The following PARD3 variants were observed in gnomAD, a reference collection of about 807,000 sequenced individuals.
PARD3 encodes the protein partitioning defective 3 homolog.
Under a neutral mutation model 155.4 loss-of-function variants are expected in PARD3, and 75 were observed. The observed-to-expected ratio is 0.48, with a 90% confidence interval of 0.40 to 0.58. The LOEUF (loss-of-function observed/expected upper bound fraction) is 0.58. Among genes scored for constraint, PARD3 ranks in the 20% least tolerant of loss-of-function variants. The pLI, the probability that PARD3 is intolerant of heterozygous loss-of-function variation, is 0.00. For synonymous variants in PARD3, 576 were observed against 610.5 expected (o/e 0.94, Z 0.83); for missense variants, 1,642 against 1,721.7 (o/e 0.95, Z 0.82).
intron 5 of PARD3, among the ~76,000 whole-genome samples, chr10:34,427,728 T>C (rs1192238794): frequency 2.0e-5 from 3 of 151,946 alleles, no homozygotes; most frequent in African/African-American, 7.3e-5. Context: ...CCTGCCGACA[T>C]GTGATGTCTC....
chr10:34,662,814 G>A (rs1296948860), intron 2 of PARD3, among the ~76,000 whole-genome samples: 1 of 151,312 alleles, frequency 6.6e-6, no homozygotes, highest in East Asian at 1.9e-4. Flanking sequence ...CAATGTTGCA[G>A]TGAGGTGAGA....
chr10:34,453,947 C>T (rs1457843434), intron 4 of PARD3, among the ~76,000 whole-genome samples: 1 of 152,260 alleles, frequency 6.6e-6, no homozygotes, highest in African/African-American at 2.4e-5. Context: ...GATAATAAAA[C>T]TAAAACTAAC....
intron 21 of PARD3, among the ~76,000 whole-genome samples, chr10:34,273,489 A>C (rs1955730782): frequency 6.6e-6 from 1 of 152,200 alleles, no homozygotes; most frequent in African/African-American, 2.4e-5. Context: ...GGTTAGCTAC[A>C]GAGGAAGACC....
chr10:34,668,113 G>C (rs934764085), intron 2 of PARD3, among the ~76,000 whole-genome samples: 4 of 152,082 alleles, frequency 2.6e-5, no homozygotes, highest in East Asian at 3.9e-4. Context: ...GTTCGTAAAT[G>C]CAAGAAAAAA....
intron 22 of PARD3, among the ~76,000 whole-genome samples, chr10:34,133,149 C>A (rs1947702021): frequency 6.6e-6 from 1 of 152,136 alleles, no homozygotes; most frequent in Admixed American, 6.5e-5. Flanking sequence ...GCCTGGGTAC[C>A]AAGGGGGGCA....
chr10:34,341,685 A>C lies in PARD3; in HGVS notation c.2350T>G (p.Phe784Val). Residue 784 changes from phenylalanine (F) to valine (V), a missense_variant, in exon 16 of 25, where the codon TTT becomes GTT. By Grantham distance (50) the Phe-to-Val change is conservative (BLOSUM62 -1). Around this residue, in one of 3 missense-constraint regions of PARD3, gnomAD observed 1,529 missense variants for 1,587.3 expected, o/e 0.96. Transcript: ENST00000374788. ...CAAGTACCAGCATCTGCCGTCACAA[A>C]CCCCACATCATCATGGGAGCTGGAA... is the stretch of plus-strand genomic sequence containing the variant. ...SSSSSHDDVG[F>V]VTADAGTWAK... 1 of 1,613,866 alleles carries C rather than the reference A, an allele frequency of 6.2e-7. No homozygotes were observed. The highest frequency in any genetic ancestry group is 8.5e-7 in the Non-Finnish European group (1 of 1,179,920).
chr10:34,693,701 T>C (rs2094112096), intron 2 of PARD3, among the ~76,000 whole-genome samples: 1 of 152,100 alleles, frequency 6.6e-6, no homozygotes, highest in Admixed American at 6.6e-5. Flanking sequence ...CCCCTGAATC[T>C]AGAATAAAAC....
At chr10:34,809,057 T>C (rs1466182429) in intron 1 of PARD3, among the ~76,000 whole-genome samples, 1 of 152,140 alleles carries the variant, frequency 6.6e-6, no homozygotes, top group Non-Finnish European at 1.5e-5. Context: ...CTGAACTCCC[T>C]CAAGACAGCT....
At chr10:34,166,963 A>G (rs1051537202) in intron 22 of PARD3, among the ~76,000 whole-genome samples, 5 of 152,162 alleles carry the variant, frequency 3.3e-5, no homozygotes, top group African/African-American at 1.2e-4. Flanking sequence ...AAACTATCAC[A>G]CTAGTGAAGG....
intron 1 of PARD3, among the ~76,000 whole-genome samples, chr10:34,701,229 G>A (rs954425773): frequency 2.6e-5 from 4 of 152,062 alleles, no homozygotes; most frequent in African/African-American, 9.7e-5. Context: ...TCAGAACGCT[G>A]TGAACACAAA....
At chr10:34,486,844 AAAAT>A (rs2079508721) in intron 3 of PARD3, among the ~76,000 whole-genome samples, 2 of 151,950 alleles carry the variant, frequency 1.3e-5, no homozygotes, top group Admixed American at 1.3e-4. Context: ...TGCTATATAT[AAAAT>A]AAATATATTA....
chr10:34,472,194 C>T (rs1234290156), intron 3 of PARD3, among the ~76,000 whole-genome samples: 1 of 152,140 alleles, frequency 6.6e-6, no homozygotes, highest in African/African-American at 2.4e-5. Flanking sequence ...AAATTTAATA[C>T]TTTGGTGGCT....
chr10:34,140,431 T>C (rs886483264), intron 22 of PARD3, among the ~76,000 whole-genome samples: 7 of 152,224 alleles, frequency 4.6e-5, no homozygotes, highest in African/African-American at 1.7e-4. Flanking sequence ...GTCACCTGTA[T>C]CACCTGTACA....
intron 21 of PARD3, among the ~76,000 whole-genome samples, chr10:34,271,614 G>A (rs1258026335): frequency 6.6e-6 from 1 of 152,168 alleles, no homozygotes; most frequent in African/African-American, 2.4e-5. Flanking sequence ...GAGAAAGACT[G>A]AATGCTTTCC....
intron 2 of PARD3, among the ~76,000 whole-genome samples, chr10:34,653,477 T>C (rs2093074972): frequency 6.6e-6 from 1 of 151,884 alleles, no homozygotes; most frequent in South Asian, 2.1e-4. Flanking sequence ...AACTTTCTCT[T>C]CTCTGAAGAA....
At chr10:34,344,430 G>A (rs1837185304) in intron 15 of PARD3, 1 of 502,256 alleles carries the variant, frequency 2.0e-6, no homozygotes, top group African/African-American at 2.1e-5. Flanking sequence ...CTACGGGTGT[G>A]CAACACAACA....
chr10:34,388,590 A>T (rs1842577109), intron 7 of PARD3, among the ~76,000 whole-genome samples: 1 of 152,242 alleles, frequency 6.6e-6, no homozygotes, highest in Non-Finnish European at 1.5e-5. Context: ...TTTGTTCTAA[A>T]GTAATAAAGA....
At chr10:34,558,318 T>C (rs962869144) in intron 2 of PARD3, among the ~76,000 whole-genome samples, 8 of 152,234 alleles carry the variant, frequency 5.3e-5, no homozygotes, top group African/African-American at 1.7e-4. Context: ...CAGTTCTTAA[T>C]AGGACTTCTG....
intron 2 of PARD3, among the ~76,000 whole-genome samples, chr10:34,617,566 A>C (rs1337420230): frequency 2.6e-5 from 4 of 152,264 alleles, no homozygotes; most frequent in African/African-American, 9.6e-5. Flanking sequence ...CATCACTTAA[A>C]TATCACACCG....
Sources: allele counts gnomAD v4.1 joint callset (sites outside exome capture counted in the v4.1 genomes callset), GRCh38; gene constraint gnomAD v4.1.1; regional missense constraint gnomAD v4.1.1; transcripts MANE v1.5; gene names NCBI Gene and HGNC (gene_info 2026-07-23, HGNC 2026-07-21).